The following CDS2 variants were observed in gnomAD, a reference collection of about 807,000 sequenced individuals.
CDS2 encodes phosphatidate cytidylyltransferase 2.
In CDS2, 47 loss-of-function variants were observed where a neutral mutation model predicts 59.0. The ratio of observed to expected loss-of-function variants is 0.80; its 90% confidence interval spans 0.63 to 1.02. The LOEUF is 1.02. CDS2 is among the 50% of genes least tolerant of loss of function. The probability of loss-of-function intolerance (pLI) is 0.00; values close to 1 mark genes in which losing one functional copy is unlikely to be tolerated. For missense variants in CDS2, 356 were observed against 558.9 expected (o/e 0.64, Z 3.66); for synonymous variants, 207 against 206.4 (o/e 1.00, Z -0.02).
At chr20:5,160,223 G>A (rs1315289458) in intron 1 of CDS2, among the ~76,000 whole-genome samples, 1 of 152,160 alleles carries the variant, frequency 6.6e-6, no homozygotes, top group African/African-American at 2.4e-5. Context: ...GCTGAGGATG[G>A]CTTTGCTTAG....
At position 5,190,080 on chromosome 20, in the gene CDS2, G is replaced by A. The variant is rs200945215; in HGVS notation, c.1206-22G>A. On this transcript the variant is annotated intron_variant, in intron 12 of 12. Transcript: ENST00000460006. ...AGCTTCCGGGCCCTAGCTCAGTGCT[G>A]TTTCTTCACATTCTGTTCCAGAGGC... 39 of 1,612,662 alleles carry A rather than the reference G, an allele frequency of 2.4e-5. No homozygotes were observed. In the Admixed American group the frequency reaches 6.5e-4, roughly 27 times the overall value.
chr20:5,154,051 C>T (rs982403456), intron 1 of CDS2, among the ~76,000 whole-genome samples: 3 of 152,126 alleles, frequency 2.0e-5, no homozygotes, highest in Non-Finnish European at 4.4e-5. Context: ...TAGGCTTTTC[C>T]TATAGAGAGA....
At chr20:5,149,057 C>G (rs2090767816) in intron 1 of CDS2, among the ~76,000 whole-genome samples, 2 of 152,004 alleles carry the variant, frequency 1.3e-5, no homozygotes, top group African/African-American at 4.8e-5. Flanking sequence ...GTCACCCAAG[C>G]TGGAGTGCAG....
rs1282030844 is a variant in CDS2, at chr20:5,197,158, T to C, written c.*6924T>C. The C allele has an allele frequency of 6.6e-6, 1 of 152,066 alleles. No homozygotes were observed. The highest frequency in any genetic ancestry group is 6.5e-5 in the Admixed American group (1 of 15,270). 9.4% of individuals were successfully genotyped at this position (152,066 alleles called of 1,614,324 possible). A position where few individuals can be genotyped will look rare whatever the true frequency, so the allele number is the denominator to read the frequency against. On this transcript the variant is annotated 3_prime_UTR_variant, in exon 13 of 13. Transcript: ENST00000460006. ...TAATATATTTTAATTTTTATTGATGTTTAATACCTTCTGAAACAGGAGGGT... is the reference window on the plus strand; with the variant it reads ...TAATATATTTTAATTTTTATTGATGCTTAATACCTTCTGAAACAGGAGGGT...
At chr20:5,188,055 C>CGTGTGTGT (rs71332879) in intron 10 of CDS2, among the ~76,000 whole-genome samples, 2,331 of 148,880 alleles carry the variant, frequency 0.016, 59 homozygotes, top group African/African-American at 0.049. Flanking sequence ...TCTTAACGTA[C>CGTGTGTGT]GTGTGTGTGT....
At chr20:5,156,978 A>G (rs544957840) in intron 1 of CDS2, among the ~76,000 whole-genome samples, 2 of 152,280 alleles carry the variant, frequency 1.3e-5, no homozygotes, top group South Asian at 4.1e-4. Flanking sequence ...GGTCTAAATT[A>G]TGTGCCTACA....
intron 1 of CDS2, among the ~76,000 whole-genome samples, chr20:5,130,397 T>C (rs973063275): frequency 1.3e-5 from 2 of 152,252 alleles, no homozygotes; most frequent in African/African-American, 4.8e-5. Context: ...AAATAATAAA[T>C]TTTAAGGAAA....
At chr20:5,142,063 C>G (rs1007504452) in intron 1 of CDS2, among the ~76,000 whole-genome samples, 1 of 152,200 alleles carries the variant, frequency 6.6e-6, no homozygotes, top group Non-Finnish European at 1.5e-5. Flanking sequence ...GCCTGTAATT[C>G]CAGCGCTCTA....
intron 1 of CDS2, among the ~76,000 whole-genome samples, chr20:5,169,067 A>G (rs1470351): frequency 0.44 from 67,540 of 152,054 alleles, 15,306 homozygotes; most frequent in South Asian, 0.6. Flanking sequence ...AAAGGGGTGG[A>G]CCCTCAGAGG....
chr20:5,182,560 A>T (rs770463187), intron 6 of CDS2, 115 bp downstream of exon 6: 4 of 854,190 alleles, frequency 4.7e-6, no homozygotes, highest in Non-Finnish European at 7.4e-6. Context: ...ACATGGTCTG[A>T]TATGTATGCA....
chr20:5,137,024 A>G (rs186905438), intron 1 of CDS2, among the ~76,000 whole-genome samples: 53 of 152,224 alleles, frequency 3.5e-4, no homozygotes, highest in African/African-American at 1.1e-3. Flanking sequence ...TGCAAGTGAG[A>G]ACATGTAGTG....
At chr20:5,128,984 G>A (rs1401842308) in intron 1 of CDS2, among the ~76,000 whole-genome samples, 3 of 152,120 alleles carry the variant, frequency 2.0e-5, no homozygotes, top group Admixed American at 1.3e-4. Context: ...TCCCGGACTC[G>A]TTGGATCCAT....
At chr20:5,144,039 A>C (rs993125749) in intron 1 of CDS2, among the ~76,000 whole-genome samples, 2 of 152,114 alleles carry the variant, frequency 1.3e-5, no homozygotes, top group Non-Finnish European at 2.9e-5. Flanking sequence ...TGCTGGGATC[A>C]TAGGCATGAG....
intron 1 of CDS2, among the ~76,000 whole-genome samples, chr20:5,159,487 GT>G (rs1296039994): frequency 5.3e-5 from 8 of 152,066 alleles, no homozygotes; most frequent in East Asian, 1.9e-4. Context: ...GTATATTATA[GT>G]TTTTTTCTTT....
chr20:5,129,826 G>A (rs977577310), intron 1 of CDS2, among the ~76,000 whole-genome samples: 2 of 150,184 alleles, frequency 1.3e-5, no homozygotes, highest in African/African-American at 2.4e-5. Context: ...TGATCTGCCC[G>A]CCTCGGTCTC....
Position 5,182,345 on chromosome 20 carries a change from G to A in CDS2, c.530-42G>A, listed in dbSNP as rs770685338. ...CTAAAGGAGGGCAAAGATAAATGCA[G>A]AACATAATTCATTTTTCTTTTCTCC... On this transcript the variant is annotated intron_variant, in intron 5 of 12. Coordinates refer to ENST00000460006, the MANE Select transcript of CDS2 (RefSeq NM_003818.4). The A allele has an allele frequency of 2.6e-6, 4 of 1,558,524 alleles. No homozygotes were observed. In the East Asian group the frequency reaches 6.8e-5, roughly 27 times the overall value.
chr20:5,189,282 C>T (rs369594463), intron 11 of CDS2, 96 bp downstream of exon 11: 6 of 1,394,564 alleles, frequency 4.3e-6, no homozygotes, highest in Non-Finnish European at 5.1e-6. Flanking sequence ...CTAGGCTGTA[C>T]ACCCTGGCAT....
chr20:5,190,310 C>T lies in CDS2; in HGVS notation c.*76C>T. 1 of 1,281,898 alleles carries T rather than the reference C, an allele frequency of 7.8e-7. No individual in the cohort carries two copies. The highest frequency in any genetic ancestry group is 1.1e-6 in the Non-Finnish European group (1 of 933,250). 79.4% of individuals were successfully genotyped at this position (1,281,898 alleles called of 1,614,324 possible). The stretch of plus-strand genomic sequence containing the variant: ...TCCAAGGCAAGCCCAGCTGGTGTGA[C>T]TTAGACAATGACGAGGCTTCAACTC... On this transcript the variant is annotated 3_prime_UTR_variant, in exon 13 of 13. Coordinates refer to ENST00000460006, the MANE Select transcript of CDS2 (RefSeq NM_003818.4).
chr20:5,189,983 T>C (rs2091100640), intron 12 of CDS2, 119 bp from the exon 13 acceptor site: 2 of 1,423,826 alleles, frequency 1.4e-6, no homozygotes, highest in Non-Finnish European at 1.9e-6. Context: ...TTCTGAGGCC[T>C]CCTGTCATCT....
Sources: gnomAD v4.1 joint callset for allele counts (sites outside exome capture counted in the v4.1 genomes callset) on GRCh38, gnomAD v4.1.1 for gene constraint, MANE v1.5 for transcripts, NCBI Gene and HGNC (gene_info 2026-07-23, HGNC 2026-07-21) for gene names.